SGCZ: variants seen among roughly 807,000 people sequenced by gnomAD.
The protein encoded by SGCZ is sarcoglycan zeta, also known as zeta-sarcoglycan.
SGCZ carries 40 observed loss-of-function variants against 41.3 expected under a neutral mutation model. The ratio of observed to expected loss-of-function variants is 0.97; its 90% CI spans 0.75 to 1.26. SGCZ has a LOEUF of 1.26. Among genes scored for constraint, SGCZ ranks in the 50% most tolerant of loss-of-function variants. The pLI, the probability that SGCZ is intolerant of heterozygous loss-of-function variation, is 0.00. For synonymous variants in SGCZ, 206 were observed against 137.5 expected (o/e 1.50, Z -3.49); for missense variants, 552 against 369.8 (o/e 1.49, Z -4.04).
chr8:15,165,278 ACT>A (rs1490649629), intron 1 of SGCZ, among the ~76,000 whole-genome samples: 2 of 151,828 alleles, frequency 1.3e-5, no homozygotes, highest in African/African-American at 4.8e-5. Flanking sequence ...ACAGAGCGAG[ACT>A]CTGTCCTCCC....
At chr8:14,569,388 A>G (rs1390697002) in intron 1 of SGCZ, among the ~76,000 whole-genome samples, 1 of 152,206 alleles carries the variant, frequency 6.6e-6, no homozygotes, top group Non-Finnish European at 1.5e-5. Context: ...TGTTATACCA[A>G]AATAATTTTA....
chr8:14,621,998 T>C (rs905608671), intron 1 of SGCZ, among the ~76,000 whole-genome samples: 1 of 152,072 alleles, frequency 6.6e-6, no homozygotes, highest in Non-Finnish European at 1.5e-5. Context: ...CTATTTGTGC[T>C]CTACAGATAC....
At position 14,797,557 on chromosome 8, in the gene SGCZ, G is replaced by A. The variant is rs575367679; in HGVS notation, c.40-242631C>T. On this transcript the variant is annotated intron_variant, in intron 1 of 7. Coordinates refer to ENST00000382080, the MANE Select transcript of SGCZ (RefSeq NM_139167.4). ...TAAAGGATGGGAAAATTTACAGCCTGACAAGGCAATAGCAAAGAAAAAACT... is the reference window on the plus strand; with the variant it reads ...TAAAGGATGGGAAAATTTACAGCCTAACAAGGCAATAGCAAAGAAAAAACT... Among the ~76,000 whole-genome samples the A allele has an allele frequency of 1.5e-4, 23 of 152,324 alleles. No individual in the cohort carries two copies. The South Asian group carries it at 4.8e-3, about 32-fold the overall frequency.
intron 1 of SGCZ, among the ~76,000 whole-genome samples, chr8:14,694,423 C>A (rs1305754900): frequency 6.6e-6 from 1 of 152,106 alleles, no homozygotes; most frequent in South Asian, 2.1e-4. Context: ...AATATTCTAA[C>A]GTTGACTTTA....
chr8:14,503,880 C>G (rs1802228433), intron 2 of SGCZ, among the ~76,000 whole-genome samples: 1 of 152,056 alleles, frequency 6.6e-6, no homozygotes, highest in African/African-American at 2.4e-5. Flanking sequence ...TATAGGTAAT[C>G]ATTTAAAACC....
At chr8:14,385,910 G>A (rs1238938508) in intron 2 of SGCZ, among the ~76,000 whole-genome samples, 1 of 152,042 alleles carries the variant, frequency 6.6e-6, no homozygotes, top group Non-Finnish European at 1.5e-5. Context: ...CATAGTATTT[G>A]CAAATAACCT....
chr8:14,621,821 A>C (rs573614544), intron 1 of SGCZ, among the ~76,000 whole-genome samples: 1 of 152,166 alleles, frequency 6.6e-6, no homozygotes, highest in African/African-American at 2.4e-5. Flanking sequence ...TTGACCTGAG[A>C]TTTGGTTGGG....
intron 3 of SGCZ, among the ~76,000 whole-genome samples, chr8:14,279,054 A>T (rs1460651107): frequency 6.6e-6 from 1 of 152,080 alleles, no homozygotes; most frequent in East Asian, 1.9e-4. Context: ...TGATAGGAAG[A>T]TATTGTGCCA....
intron 2 of SGCZ, among the ~76,000 whole-genome samples, chr8:14,450,643 T>C (rs921520491): frequency 6.6e-6 from 1 of 152,202 alleles, no homozygotes; most frequent in Non-Finnish European, 1.5e-5. Flanking sequence ...TATGAGGATG[T>C]GTGCCAGTCA....
rs1477145648 is a variant in SGCZ at position 14,317,477 on chromosome 8, A to T, written c.336+6626T>A. 7.9e-5 allele frequency among the ~76,000 whole-genome samples: 12 copies of T among 151,986 alleles called. No homozygotes were observed. In the Admixed American group the frequency reaches 7.9e-4, roughly 10 times the overall value. On this transcript the variant is annotated intron_variant, in intron 3 of 7. Transcript: ENST00000382080. ...CCACAGAAATAATAAAATTTCAAGA[A>T]AATTGCCAGATTATATACACAACAC...
intron 1 of SGCZ, among the ~76,000 whole-genome samples, chr8:14,589,971 T>A (rs1218843647): frequency 6.6e-6 from 1 of 152,144 alleles, no homozygotes; most frequent in Non-Finnish European, 1.5e-5. Context: ...ATTTGATGAT[T>A]ATGAAGCCAA....
chr8:14,899,147 C>T (rs965517205), intron 1 of SGCZ, among the ~76,000 whole-genome samples: 1 of 151,878 alleles, frequency 6.6e-6, no homozygotes, highest in Admixed American at 6.6e-5. Context: ...TTATCAAGAC[C>T]CTTTACATAA....
In SGCZ at chr8:14,964,604, G is replaced by T. The variant is rs142156122; in HGVS notation, c.39+272981C>A. ...TATTTGAATTCAGCCAATCCCACAC[G>T]TAGCTTTGCAATGGGATAACCCTGA... On this transcript the variant is annotated intron_variant, in intron 1 of 7. Transcript: ENST00000382080. Among the ~76,000 whole-genome samples, 704 of 152,298 alleles carry T rather than the reference G, an allele frequency of 4.6e-3. 4 individuals are homozygous for T. Among genetic ancestry groups the T allele is most frequent in the South Asian group, 0.019 (90 of 4,828 alleles).
At chr8:14,141,802 C>A (rs191093300) in intron 5 of SGCZ, among the ~76,000 whole-genome samples, 18 of 152,250 alleles carry the variant, frequency 1.2e-4, no homozygotes, top group African/African-American at 4.3e-4. Context: ...TTGACCCAGC[C>A]ATCCCATTAC....
At chr8:14,194,148 T>C (rs897996148) in intron 4 of SGCZ, among the ~76,000 whole-genome samples, 4 of 151,806 alleles carry the variant, frequency 2.6e-5, no homozygotes, top group African/African-American at 9.7e-5. Flanking sequence ...AAATAATTTT[T>C]GTTTGTTAGA....
chr8:15,181,371 C>A (rs914723400), intron 1 of SGCZ, among the ~76,000 whole-genome samples: 1 of 151,918 alleles, frequency 6.6e-6, no homozygotes, highest in Non-Finnish European at 1.5e-5. Flanking sequence ...AGAAAAAACA[C>A]CTAAGGGCTA....
At chr8:14,572,192 C>T (rs182567479) in intron 1 of SGCZ, among the ~76,000 whole-genome samples, 68 of 152,290 alleles carry the variant, frequency 4.5e-4, no homozygotes, top group Non-Finnish European at 8.7e-4. Flanking sequence ...TTACTGCTCT[C>T]TACCAGATAG....
intron 2 of SGCZ, among the ~76,000 whole-genome samples, chr8:14,414,730 C>A (rs985728404): frequency 6.6e-6 from 1 of 151,760 alleles, no homozygotes; most frequent in African/African-American, 2.4e-5. Flanking sequence ...TACCTTAAGG[C>A]TCTTTTTGGA....
intron 6 of SGCZ, among the ~76,000 whole-genome samples, chr8:14,105,348 T>A (rs1802171316): frequency 6.6e-6 from 1 of 152,096 alleles, no homozygotes; most frequent in Non-Finnish European, 1.5e-5. Context: ...TTGAAATGTA[T>A]TTCTTTTCTA....
Sources: gnomAD v4.1 joint callset for allele counts (sites outside exome capture counted in the v4.1 genomes callset) on GRCh38, gnomAD v4.1.1 for gene constraint, MANE v1.5 for transcripts, NCBI Gene and HGNC (gene_info 2026-07-23, HGNC 2026-07-21) for gene names.